WDR7: variants seen among roughly 807,000 people sequenced by gnomAD.
WDR7 encodes WD repeat-containing protein 7.
WDR7 carries 46 observed loss-of-function variants against 169.4 expected under a neutral mutation model. The ratio of observed to expected loss-of-function variants is 0.27; its 90% confidence interval spans 0.21 to 0.35. The LOEUF is 0.35. Ranked by LOEUF, WDR7 falls within the 10% of genes least tolerant of loss-of-function variation. The pLI is 1.00. For missense variants in WDR7, 1,534 were observed against 1,859.3 expected (o/e 0.83, Z 3.22); for synonymous variants, 612 against 666.8 (o/e 0.92, Z 1.27).
downstream of WDR7, chr18:57,031,673 T>C (rs1468538122): frequency 5.3e-5 from 8 of 152,252 alleles, no homozygotes; most frequent in Non-Finnish European, 1.0e-4. Flanking sequence ...CTGGAAATTT[T>C]TATTTTGTTT....
chr18:56,803,688 C>A (rs1347588699), intron 19 of WDR7, among the ~76,000 whole-genome samples: 1 of 152,092 alleles, frequency 6.6e-6, no homozygotes, highest in Non-Finnish European at 1.5e-5. Context: ...TTGATAATAA[C>A]AAAAGCAATG....
intron 11 of WDR7, 51 bp downstream of exon 11, chr18:56,695,249 G>A (rs1475951719): frequency 6.4e-7 from 1 of 1,568,970 alleles, no homozygotes; most frequent in Non-Finnish European, 8.7e-7. Flanking sequence ...CTCTTACCCA[G>A]AGAGTGAAAA....
At chr18:56,890,985 G>C (rs887559642) in intron 21 of WDR7, 1 of 152,158 alleles carries the variant, frequency 6.6e-6, no homozygotes, top group African/African-American at 2.4e-5. Flanking sequence ...TTCCTATTCA[G>C]AAAGCCAGGG....
At chr18:56,658,154 A>G (rs1361998055) in intron 1 of WDR7, among the ~76,000 whole-genome samples, 3 of 152,110 alleles carry the variant, frequency 2.0e-5, no homozygotes, top group African/African-American at 7.2e-5. Flanking sequence ...CCCAGGCTAG[A>G]GTGCAGTGGT....
chr18:56,744,017 C>A (rs998731583), intron 14 of WDR7, among the ~76,000 whole-genome samples: 5 of 151,888 alleles, frequency 3.3e-5, no homozygotes, highest in African/African-American at 9.7e-5. Context: ...TTTGGGAGGC[C>A]GAGGCGGACG....
In WDR7 at chr18:57,029,753, C is replaced by T. The variant is rs2048421537; in HGVS notation, c.*2546C>T. 6.6e-6 allele frequency: 1 copy of T among 152,142 alleles called. No homozygotes were observed. Among genetic ancestry groups the T allele is most frequent in the Non-Finnish European group, 1.5e-5 (1 of 68,024 alleles). The allele number at this position is 152,142 out of a possible 1,614,324, so 9.4% of individuals were successfully genotyped here. ...TAGACTCTATGTGTGCTGAATGTTC[C>T]TGTGTACATATGTGTGTTAAATAAA... On this transcript the variant is annotated 3_prime_UTR_variant, in exon 28 of 28. Transcript: ENST00000254442.
At chr18:56,916,151 G>T (rs1301575056) in intron 21 of WDR7, among the ~76,000 whole-genome samples, 1 of 152,118 alleles carries the variant, frequency 6.6e-6, no homozygotes, top group African/African-American at 2.4e-5. Context: ...AAGTTCTAGG[G>T]TACATGTGCA....
chr18:56,861,688 C>G (rs1002735208), intron 20 of WDR7, among the ~76,000 whole-genome samples: 2 of 151,968 alleles, frequency 1.3e-5, no homozygotes, highest in African/African-American at 4.8e-5. Context: ...TTTCAAGAAC[C>G]CACTGATTTT....
intron 26 of WDR7, among the ~76,000 whole-genome samples, chr18:56,976,567 A>G (rs751109866): frequency 5.3e-5 from 8 of 152,212 alleles, no homozygotes; most frequent in African/African-American, 1.9e-4. Flanking sequence ...CGAGTCTATC[A>G]GGAGACTCTG....
intron 21 of WDR7, among the ~76,000 whole-genome samples, chr18:56,900,284 A>T (rs1484044733): frequency 2.6e-5 from 4 of 152,038 alleles, no homozygotes; most frequent in Non-Finnish European, 5.9e-5. Flanking sequence ...ATTTTCTAGA[A>T]TACTATTAAA....
chr18:56,828,967 C>T (rs1042865397), intron 20 of WDR7, among the ~76,000 whole-genome samples: 1 of 151,760 alleles, frequency 6.6e-6, no homozygotes, highest in Non-Finnish European at 1.5e-5. Context: ...CTGTCTTGCC[C>T]CTTGATACTT....
chr18:56,709,593 C>T (rs910783342), intron 12 of WDR7, among the ~76,000 whole-genome samples: 3 of 152,176 alleles, frequency 2.0e-5, no homozygotes, highest in African/African-American at 7.2e-5. Context: ...GGTTAAATGA[C>T]TCATCCAAGT....
At chr18:56,887,940 T>C (rs2046218040) in intron 21 of WDR7, among the ~76,000 whole-genome samples, 1 of 152,212 alleles carries the variant, frequency 6.6e-6, no homozygotes, top group South Asian at 2.1e-4. Context: ...TTATGTGGCA[T>C]TTAGAATGCA....
chr18:56,986,594 G>A (rs775974953), intron 26 of WDR7, among the ~76,000 whole-genome samples: 3 of 151,936 alleles, frequency 2.0e-5, no homozygotes, highest in Non-Finnish European at 4.4e-5. Context: ...AGCCTTAGTG[G>A]GCTGCCTCTG....
At chr18:56,998,191 G>A (rs2047925544) in intron 26 of WDR7, among the ~76,000 whole-genome samples, 1 of 152,102 alleles carries the variant, frequency 6.6e-6, no homozygotes, top group African/African-American at 2.4e-5. Context: ...GAAGACTTAG[G>A]TATCCGTAAT....
At chr18:56,736,136 A>G (rs2026693900) in intron 14 of WDR7, among the ~76,000 whole-genome samples, 1 of 152,146 alleles carries the variant, frequency 6.6e-6, no homozygotes, top group African/African-American at 2.4e-5. Context: ...TCTTTAAAAC[A>G]AACTTTAAAA....
intron 20 of WDR7, among the ~76,000 whole-genome samples, chr18:56,831,204 G>A (rs529591842): frequency 5.9e-5 from 9 of 152,252 alleles, no homozygotes; most frequent in African/African-American, 2.2e-4. Flanking sequence ...GGGAGAGAGA[G>A]CAAGAGGTGG....
At position 56,843,857 on chromosome 18, in the gene WDR7, CTT is replaced by C. The variant is rs776575088; in HGVS notation, c.3304+27728_3304+27729del. 9.3e-3 allele frequency among the ~76,000 whole-genome samples: 1,244 copies of C among 134,264 alleles called. 18 individuals are homozygous for C. The highest frequency in any genetic ancestry group is 0.03 in the African/African-American group (1,048 of 35,052). The allele number at this position is 134,264 out of a possible 152,430, so 88.1% of individuals were successfully genotyped here. A position where few individuals can be genotyped will look rare whatever the true frequency, so the allele number is the denominator to read the frequency against. ...ACACTCGATATTTTCTTTTTTCTTTCTTTTTTTTTTTTTTTTGTTTTTTGAGA... is the reference window on the plus strand; with the variant it reads ...ACACTCGATATTTTCTTTTTTCTTTCTTTTTTTTTTTTTTGTTTTTTGAGA... On this transcript the variant is annotated intron_variant, in intron 20 of 27. Coordinates refer to ENST00000254442, the MANE Select transcript of WDR7 (RefSeq NM_015285.3).
intron 26 of WDR7, among the ~76,000 whole-genome samples, chr18:56,988,206 G>A (rs2145849044): frequency 6.6e-6 from 1 of 152,252 alleles, no homozygotes; most frequent in South Asian, 2.1e-4. Context: ...GCTTGACAGG[G>A]AGTATGGTTA....
Sources: allele counts gnomAD v4.1 joint callset (sites outside exome capture counted in the v4.1 genomes callset), GRCh38; gene constraint gnomAD v4.1.1; transcripts MANE v1.5; gene names NCBI Gene and HGNC (gene_info 2026-07-23, HGNC 2026-07-21).